Variants in SEMA4D observed in about 807,000 individuals in gnomAD.
The protein encoded by SEMA4D is semaphorin-4D.
A neutral mutation model predicts 74.8 loss-of-function variants in SEMA4D; 22 were observed. That is an observed-to-expected ratio of 0.29 (90% CI 0.21 to 0.42). SEMA4D has a LOEUF of 0.42. Among genes scored for constraint, SEMA4D ranks in the 10% least tolerant of loss-of-function variants. The probability of loss-of-function intolerance (pLI) is 1.00; values close to 1 mark genes in which losing one functional copy is unlikely to be tolerated. For missense variants in SEMA4D, 937 were observed against 1,118.4 expected, an observed-to-expected ratio of 0.84 and a Z score of 2.31; for synonymous variants, 445 against 463.7, an observed-to-expected ratio of 0.96 and a Z score of 0.52.
intron 1 of SEMA4D, among the ~76,000 whole-genome samples, chr9:89,495,615 G>T (rs1406220865): frequency 6.6e-6 from 1 of 152,192 alleles, no homozygotes; most frequent in African/African-American, 2.4e-5. Flanking sequence ...AGAAATAACT[G>T]CCCTGGTTGG....
chr9:89,446,219 A>C (rs758169399), intron 2 of SEMA4D, among the ~76,000 whole-genome samples: 3 of 152,018 alleles, frequency 2.0e-5, no homozygotes, highest in Non-Finnish European at 4.4e-5. Flanking sequence ...TCTGTGCCCG[A>C]TCTCCCTCTG....
intron 1 of SEMA4D, among the ~76,000 whole-genome samples, chr9:89,469,684 G>C (rs1859687852): frequency 6.6e-6 from 1 of 152,180 alleles, no homozygotes; most frequent in Non-Finnish European, 1.5e-5. Context: ...AATTTATACA[G>C]AAAATGCATT....
chr9:89,465,029 A>G (rs1858315911), intron 1 of SEMA4D, among the ~76,000 whole-genome samples: 1 of 152,206 alleles, frequency 6.6e-6, no homozygotes, highest in Non-Finnish European at 1.5e-5. Context: ...TGAGCACACA[A>G]TAATTAACCA....
intron 13 of SEMA4D, chr9:89,386,071 A>G: frequency 1.0e-6 from 1 of 985,432 alleles, no homozygotes; most frequent in Non-Finnish European, 1.2e-6. Context: ...AGGTGTCTTC[A>G]TGGAGCAGTG....
intron 1 of SEMA4D, among the ~76,000 whole-genome samples, chr9:89,464,784 C>T (rs543251508): frequency 3.3e-5 from 5 of 152,036 alleles, no homozygotes; most frequent in East Asian, 1.9e-4. Context: ...AGGGGTCCCC[C>T]GCCTCCTGGA....
At chr9:89,387,659 C>T (rs76952104) in intron 11 of SEMA4D, 51 bp from the exon 12 acceptor site, 15,642 of 1,552,058 alleles carry the variant, frequency 0.01, 94 homozygotes, top group Non-Finnish European at 0.013. Flanking sequence ...CACCACGCAA[C>T]GGGTGCTTCC....
rs997430481 is a variant in SEMA4D, at chr9:89,403,066, G to A, written c.107-50C>T. The A allele has an allele frequency of 2.5e-6, 4 of 1,584,158 alleles. No homozygotes were observed. In the African/African-American group the frequency reaches 5.4e-5, roughly 21 times the overall value. The stretch of plus-strand genomic sequence containing the variant: ...GAGTGGGAGGAAGAAAAGAGCGATG[G>A]AAGCATTTTTAAACCTGAGCACATC... On this transcript the variant is annotated intron_variant, in intron 3 of 15. Coordinates refer to ENST00000422704, the MANE Select transcript of SEMA4D (RefSeq NM_001371194.2).
chr9:89,448,518 C>T (rs6559353), intron 2 of SEMA4D, among the ~76,000 whole-genome samples: 146,509 of 152,328 alleles, frequency 0.96, 70,671 homozygotes, highest in Non-Finnish European at 1. Flanking sequence ...CCAGACCAGC[C>T]GGGCTGCCCC....
chr9:89,424,511 G>A (rs537837791), intron 2 of SEMA4D, among the ~76,000 whole-genome samples: 1 of 152,306 alleles, frequency 6.6e-6, no homozygotes, highest in South Asian at 2.1e-4. Flanking sequence ...TTAAATCCAA[G>A]ATGCTTCCGT....
At position 89,390,581 on chromosome 9, in the gene SEMA4D, C is replaced by A. The variant is rs1839642386; in HGVS notation, c.774+683G>T. Among the ~76,000 whole-genome samples, 3 of 152,362 alleles carry A rather than the reference C, an allele frequency of 2.0e-5. No homozygotes were observed. In the South Asian group the frequency reaches 6.2e-4, roughly 32 times the overall value. ...TTCTCTGATGTCCTGATGGTCATGA[C>A]TACATGAGAAAGGGCCACGCAAGAA... On this transcript the variant is annotated intron_variant, in intron 9 of 15. Transcript: ENST00000422704.
At chr9:89,370,554 G>GCAC (rs1834421171) in intron 16 of SEMA4D, among the ~76,000 whole-genome samples, 1 of 150,740 alleles carries the variant, frequency 6.6e-6, no homozygotes, top group Non-Finnish European at 1.5e-5. Context: ...GAGGGGGTGT[G>GCAC]GTGCTGGTGT....
chr9:89,393,990 G>A (rs151316563), intron 6 of SEMA4D, among the ~76,000 whole-genome samples: 9 of 152,360 alleles, frequency 5.9e-5, no homozygotes, highest in South Asian at 2.1e-4. Context: ...AACACAGGAC[G>A]TGCTCAGTAT....
intron 2 of SEMA4D, among the ~76,000 whole-genome samples, chr9:89,431,607 C>T (rs2134649779): frequency 6.6e-6 from 1 of 152,324 alleles, no homozygotes; most frequent in East Asian, 1.9e-4. Context: ...AAGTGATCCT[C>T]CCACCTCAGC....
intron 13 of SEMA4D, chr9:89,386,163 A>G: frequency 2.5e-6 from 2 of 813,758 alleles, no homozygotes; most frequent in Non-Finnish European, 3.0e-6. Flanking sequence ...CCGTCTCCCC[A>G]GGTCTGCCTT....
At chr9:89,418,882 T>A (rs1846277755) in intron 2 of SEMA4D, 1 of 152,212 alleles carries the variant, frequency 6.6e-6, no homozygotes, top group Non-Finnish European at 1.5e-5. Flanking sequence ...TGAGGAGGGT[T>A]TCTTTTTTGT....
At chr9:89,443,865 C>T (rs1005095145) in intron 2 of SEMA4D, among the ~76,000 whole-genome samples, 26 of 152,314 alleles carry the variant, frequency 1.7e-4, no homozygotes, top group Admixed American at 5.9e-4. Flanking sequence ...TTGGAGACTG[C>T]GAGGTGCCAG....
At chr9:89,364,136 T>C in intron 16 of SEMA4D, 1 of 1,265,948 alleles carries the variant, frequency 7.9e-7, no homozygotes, top group Non-Finnish European at 1.1e-6. Context: ...AGCCTTGGCC[T>C]TGGCCCGTCC....
At chr9:89,443,503 G>C (rs767564202) in intron 2 of SEMA4D, among the ~76,000 whole-genome samples, 1 of 152,240 alleles carries the variant, frequency 6.6e-6, no homozygotes, top group Non-Finnish European at 1.5e-5. Context: ...AAAGCACAGC[G>C]TGGACTCCAC....
chr9:89,442,079 T>C (rs1587916046), intron 2 of SEMA4D, among the ~76,000 whole-genome samples: 1 of 148,764 alleles, frequency 6.7e-6, no homozygotes, highest in African/African-American at 2.5e-5. Flanking sequence ...GTTCAGCATG[T>C]TCCTGATCAC....
Sources: gnomAD v4.1 joint callset for allele counts (sites outside exome capture counted in the v4.1 genomes callset) on GRCh38, gnomAD v4.1.1 for gene constraint, MANE v1.5 for transcripts, NCBI Gene and HGNC (gene_info 2026-07-23, HGNC 2026-07-21) for gene names.